Variants in CELF2 observed in about 807,000 individuals in gnomAD.
CELF2 encodes the protein CUG triplet repeat RNA-binding protein 2.
A neutral mutation model predicts 62.6 loss-of-function variants in CELF2; 8 were observed. The ratio of observed to expected loss-of-function variants is 0.13; its 90% CI spans 0.07 to 0.23. The LOEUF is 0.23. CELF2 is among the 10% of genes least tolerant of loss of function. CELF2 has a pLI of 1.00. For missense variants in CELF2, 333 were observed against 671.0 expected, an observed-to-expected ratio of 0.50 and a Z score of 5.56; for synonymous variants, 258 against 250.0, an observed-to-expected ratio of 1.03 and a Z score of -0.30.
chr10:11,181,328 A>G (rs2134029578), intron 2 of CELF2, among the ~76,000 whole-genome samples: 1 of 152,332 alleles, frequency 6.6e-6, no homozygotes, highest in Non-Finnish European at 1.5e-5. Context: ...TCATTTCGGA[A>G]TGAATACTCC....
At chr10:10,875,312 T>C (rs900969183) in intron 1 of CELF2, among the ~76,000 whole-genome samples, 6 of 152,224 alleles carry the variant, frequency 3.9e-5, no homozygotes, top group African/African-American at 1.4e-4. Context: ...TCCAAAAGGA[T>C]AAAAAACTGC....
rs888402433 is a variant in CELF2, at chr10:11,269,791, C to G, written c.619-875C>G. ...TATTATCCCTGATGATTTTATCTAG[C>G]TCAGTAGTGAATTCTGTGACCTTTA... On this transcript the variant is annotated intron_variant, in intron 6 of 12. Transcript: ENST00000633077. This position sits in a 1 kb window ranked among gnomAD's most constrained non-coding sequence, Gnocchi z 4.4. 3.9e-5 allele frequency among the ~76,000 whole-genome samples: 6 copies of G among 152,168 alleles called. No individual in the cohort carries two copies. Among genetic ancestry groups the G allele is most frequent in the African/African-American group, 1.4e-4 (6 of 41,440 alleles).
upstream of CELF2, among the ~76,000 whole-genome samples, chr10:11,004,188 C>T (rs1430742715): frequency 6.6e-6 from 1 of 152,098 alleles, no homozygotes; most frequent in South Asian, 2.1e-4. The surrounding 1 kb of genome is among the most constrained non-coding windows in gnomAD (Gnocchi z 5.0). Context: ...ATTATTATCC[C>T]CAGTAATGCT....
chr10:10,991,213 T>G (rs1384688507), intron 2 of CELF2, among the ~76,000 whole-genome samples: 4 of 152,186 alleles, frequency 2.6e-5, no homozygotes, highest in Non-Finnish European at 4.4e-5. Context: ...TTTGTGGTGT[T>G]GGGTGTGCAT....
rs533087946 is a variant in CELF2, at chr10:11,096,478, G to A, written c.75-69008G>A. 1.2e-3 allele frequency: 180 copies of A among 152,244 alleles called. 1 individual carries two copies. Among genetic ancestry groups the A allele is most frequent in the African/African-American group, 4.1e-3 (169 of 41,548 alleles). 9.4% of individuals were successfully genotyped at this position (152,244 alleles called of 1,614,324 possible). On this transcript the variant is annotated intron_variant, in intron 1 of 12. Transcript: ENST00000633077. ...TCACTAAATCTAATTACAAAGAAGAGTAAATCACTAAAAACAAATTAAGTA... is the reference window on the plus strand; with the variant it reads ...TCACTAAATCTAATTACAAAGAAGAATAAATCACTAAAAACAAATTAAGTA...
At chr10:10,771,744 C>A in the CELF2 span, among the ~76,000 whole-genome samples, 20 of 152,294 alleles carry the variant, frequency 1.3e-4, no homozygotes, top group Admixed American at 2.6e-4. Flanking sequence ...GTGAGGCTTC[C>A]CCAGCCAAGT....
At chr10:10,593,719 C>A in the CELF2 span, among the ~76,000 whole-genome samples, 1 of 152,138 alleles carries the variant, frequency 6.6e-6, no homozygotes, top group South Asian at 2.1e-4. Flanking sequence ...TTAAATGGAC[C>A]ATCTAGGCAA....
chr10:10,765,080 C>T, the CELF2 span, among the ~76,000 whole-genome samples: 751 of 152,252 alleles, frequency 4.9e-3, 4 homozygotes, highest in African/African-American at 0.01. Context: ...GGGTCACCCA[C>T]GGCTTGATCT....
the CELF2 span, among the ~76,000 whole-genome samples, chr10:10,510,144 C>G: frequency 1.3e-5 from 2 of 152,184 alleles, no homozygotes; most frequent in East Asian, 1.9e-4. Flanking sequence ...TTTATTAGAT[C>G]TTTCTTGGTT....
At chr10:10,650,291 C>T in the CELF2 span, among the ~76,000 whole-genome samples, 200 of 152,310 alleles carry the variant, frequency 1.3e-3, no homozygotes, top group African/African-American at 4.7e-3. Context: ...AAGTGTAAGA[C>T]ATCTTAATAA....
rs190829616 is a variant in CELF2, at chr10:11,285,917, G to T, written c.842-2501G>T. On this transcript the variant is annotated intron_variant, in intron 8 of 12. Coordinates refer to ENST00000633077, the MANE Select transcript of CELF2 (RefSeq NM_001326342.2). This position sits in a 1 kb window ranked among gnomAD's most constrained non-coding sequence, Gnocchi z 4.3. ...TGAAAATGAGTAAGACATAATTTTT[G>T]TCCTAAAGGAACTTGGTATCTGGTT... 2.0e-4 allele frequency among the ~76,000 whole-genome samples: 30 copies of T among 150,400 alleles called. No individual in the cohort carries two copies. The Admixed American group carries it at 2.0e-3, about 10-fold the overall frequency.
chr10:11,321,274 C>T lies in CELF2; in HGVS notation c.1182C>T (p.Asp394=), dbSNP rs866188571. The T allele has an allele frequency of 9.9e-6, 16 of 1,613,868 alleles. No homozygotes were observed. The highest frequency in any genetic ancestry group is 3.3e-5 in the South Asian group (3 of 91,086). ...CGAATGGCACGGCTGGCACCATGGACGCCCTCACCCAGGCCTACTCAGGAA... is the reference window on the plus strand; with the variant it reads ...CGAATGGCACGGCTGGCACCATGGATGCCCTCACCCAGGCCTACTCAGGAA... ...GLTNGTAGTM[D]ALTQAYSGIQ... Residue 394 remains aspartate, a synonymous_variant, in exon 11 of 13, where the codon GAC becomes GAT. Coordinates refer to ENST00000633077, the MANE Select transcript of CELF2 (RefSeq NM_001326342.2). This position sits in a 1 kb window ranked among gnomAD's most constrained non-coding sequence, Gnocchi z 6.2.
chr10:10,982,896 T>G (rs1185977877), intron 2 of CELF2, among the ~76,000 whole-genome samples: 1 of 148,002 alleles, frequency 6.8e-6, no homozygotes, highest in Non-Finnish European at 1.5e-5. Flanking sequence ...CTGGAAATTT[T>G]CTGGTGTGTG....
Position 11,331,966 on chromosome 10 carries a change from G to C in CELF2, c.*2913G>C, listed in dbSNP as rs532147301. On this transcript the variant is annotated 3_prime_UTR_variant, in exon 13 of 13. Coordinates refer to ENST00000633077, the MANE Select transcript of CELF2 (RefSeq NM_001326342.2). ...CTGCATCTATCCTCTAAGTTGTTTC[G>C]GTTTGACTACTTTGTTCTTTGGTTA... is the stretch of plus-strand genomic sequence containing the variant. 25 of 152,152 alleles carry C rather than the reference G, an allele frequency of 1.6e-4. No individual in the cohort carries two copies. The South Asian group carries it at 5.0e-3, about 30-fold the overall frequency. The allele number at this position is 152,152 out of a possible 1,614,324, so 9.4% of individuals were successfully genotyped here. A position where few individuals can be genotyped will look rare whatever the true frequency, so the allele number is the denominator to read the frequency against.
chr10:11,007,597 C>T (rs1593015339), intron 1 of CELF2, among the ~76,000 whole-genome samples: 1 of 152,116 alleles, frequency 6.6e-6, no homozygotes, highest in African/African-American at 2.4e-5. Flanking sequence ...GCGATGGGAT[C>T]GGAACTGCTC....
chr10:10,546,976 A>C, the CELF2 span, among the ~76,000 whole-genome samples: 1 of 152,066 alleles, frequency 6.6e-6, no homozygotes. Context: ...GCATGGTGGC[A>C]TGCGCCTGTG....
At chr10:10,778,803 G>A in the CELF2 span, among the ~76,000 whole-genome samples, 7 of 152,200 alleles carry the variant, frequency 4.6e-5, no homozygotes, top group East Asian at 1.3e-3. Context: ...GGAACAGTGG[G>A]TTGCAGTCCA....
In CELF2 at chr10:11,297,051, T is replaced by A. The variant is rs2093263345; in HGVS notation, c.976+8499T>A. Among the ~76,000 whole-genome samples, 1 of 152,056 alleles carries A rather than the reference T, an allele frequency of 6.6e-6. No homozygotes were observed. The highest frequency in any genetic ancestry group is 6.5e-5 in the Admixed American group (1 of 15,274). On this transcript the variant is annotated intron_variant, in intron 9 of 12. Coordinates refer to ENST00000633077, the MANE Select transcript of CELF2 (RefSeq NM_001326342.2). The surrounding 1 kb of genome is among the most constrained non-coding windows in gnomAD (Gnocchi z 4.4). ...ACTTTAGGCCCAAGAATGATAGACTTCCTGTGTGACTGGACTGAGGCACCC... is the reference window on the plus strand; with the variant it reads ...ACTTTAGGCCCAAGAATGATAGACTACCTGTGTGACTGGACTGAGGCACCC...
intron 1 of CELF2, among the ~76,000 whole-genome samples, chr10:10,870,421 A>C (rs2133362829): frequency 6.6e-6 from 1 of 152,266 alleles, no homozygotes; most frequent in Non-Finnish European, 1.5e-5. Context: ...GACAGCAGGG[A>C]CCAGGGTCTA....
Sources: allele counts gnomAD v4.1 joint callset (sites outside exome capture counted in the v4.1 genomes callset), GRCh38; gene constraint gnomAD v4.1.1; non-coding constraint Gnocchi (gnomAD v3.1); transcripts MANE v1.5; gene names NCBI Gene and HGNC (gene_info 2026-07-23, HGNC 2026-07-21).